Variants in KIAA1328 observed in about 807,000 individuals in gnomAD.
KIAA1328 encodes the protein KIAA1328.
Under a neutral mutation model 68.1 loss-of-function variants are expected in KIAA1328, and 52 were observed. That is an observed-to-expected ratio of 0.76 (90% CI 0.61 to 0.96). KIAA1328 has a LOEUF of 0.96. Among genes scored for constraint, KIAA1328 ranks in the 40% least tolerant of loss-of-function variants. The pLI, the probability that KIAA1328 is intolerant of heterozygous loss-of-function variation, is 0.00. For synonymous variants in KIAA1328, 232 were observed against 239.4 expected (o/e 0.97, Z 0.28); for missense variants, 641 against 677.6 (o/e 0.95, Z 0.60).
chr18:36,833,430 G>C (rs2046566140), intron 1 of KIAA1328: 1 of 152,212 alleles, frequency 6.6e-6, no homozygotes, highest in Non-Finnish European at 1.5e-5. Flanking sequence ...AAGAAAGCCA[G>C]GAATGAGTGA....
chr18:37,113,397 C>G (rs2057999477), intron 7 of KIAA1328, among the ~76,000 whole-genome samples: 1 of 152,132 alleles, frequency 6.6e-6, no homozygotes, highest in African/African-American at 2.4e-5. Flanking sequence ...AATTTCATAT[C>G]CAGCCAAACT....
chr18:37,029,974 T>C (rs2054756263), intron 6 of KIAA1328, among the ~76,000 whole-genome samples: 1 of 152,218 alleles, frequency 6.6e-6, no homozygotes, highest in Non-Finnish European at 1.5e-5. Flanking sequence ...CATTTCATTT[T>C]GGATGTTATA....
At chr18:37,028,981 T>C (rs1256136880) in intron 6 of KIAA1328, among the ~76,000 whole-genome samples, 1 of 151,924 alleles carries the variant, frequency 6.6e-6, no homozygotes, top group Admixed American at 6.6e-5. Context: ...CTGAAGTGTT[T>C]TGTTGTTGTG....
chr18:37,051,410 A>G (rs1952158127), intron 6 of KIAA1328, among the ~76,000 whole-genome samples: 1 of 152,162 alleles, frequency 6.6e-6, no homozygotes, highest in South Asian at 2.1e-4. Context: ...ATCCTCAGAG[A>G]CTACTATGAA....
At position 36,875,650 on chromosome 18, in the gene KIAA1328, A is replaced by G. The variant is rs117649619; in HGVS notation, c.333-9907A>G. Among the ~76,000 whole-genome samples, 550 of 152,270 alleles carry G rather than the reference A, an allele frequency of 3.6e-3. 16 individuals are homozygous for G. In the East Asian group the frequency reaches 0.083, roughly 23 times the overall value. On this transcript the variant is annotated intron_variant, in intron 4 of 9. Coordinates refer to ENST00000280020, the MANE Select transcript of KIAA1328 (RefSeq NM_020776.3). ...TGACTTCCTCTTCTTCTCTTCGAAT[A>G]CCATTTATTTCTTTCTCTTGCCTGA... is the stretch of plus-strand genomic sequence containing the variant.
At chr18:37,048,421 A>C (rs1339352208) in intron 6 of KIAA1328, among the ~76,000 whole-genome samples, 2 of 152,000 alleles carry the variant, frequency 1.3e-5, no homozygotes. Context: ...TTTTTTAACA[A>C]CTCAACAAAG....
intron 6 of KIAA1328, among the ~76,000 whole-genome samples, chr18:37,030,633 T>C (rs965323146): frequency 2.0e-5 from 3 of 152,326 alleles, no homozygotes; most frequent in East Asian, 1.9e-4. Context: ...TCAGCAATTA[T>C]TGGATATAGT....
rs559330237 is a variant in KIAA1328 at position 37,222,501 on chromosome 18, G to A, written c.*274G>A. On this transcript the variant is annotated 3_prime_UTR_variant, in exon 10 of 10. Coordinates refer to ENST00000280020, the MANE Select transcript of KIAA1328 (RefSeq NM_020776.3). ...AAAATTAACATAGGATACTTTCTGC[G>A]TGGTGGAAACCATTGCATATTCAGC... 523 of 1,240,882 alleles carry A rather than the reference G, an allele frequency of 4.2e-4. 3 individuals are homozygous for A. In the South Asian group the frequency reaches 7.6e-3, roughly 18 times the overall value. The allele number at this position is 1,240,882 out of a possible 1,614,324, so 76.9% of individuals were successfully genotyped here. A position where few individuals can be genotyped will look rare whatever the true frequency, so the allele number is the denominator to read the frequency against.
chr18:36,935,589 T>C (rs1359914918), intron 5 of KIAA1328, among the ~76,000 whole-genome samples: 1 of 152,204 alleles, frequency 6.6e-6, no homozygotes, highest in Non-Finnish European at 1.5e-5. Flanking sequence ...CTCTTTTTGA[T>C]GTTATTGTTG....
At position 37,131,088 on chromosome 18, in the gene KIAA1328, A is replaced by G. The variant is rs180932204; in HGVS notation, c.1233-29112A>G. 1.6e-4 allele frequency among the ~76,000 whole-genome samples: 24 copies of G among 152,346 alleles called. No homozygotes were observed. In the East Asian group the frequency reaches 4.6e-3, roughly 29 times the overall value. On this transcript the variant is annotated intron_variant, in intron 7 of 9. Transcript: ENST00000280020. Reference sequence around the variant, plus strand: ...AGGGCCTGGGAATGTGTATTTTCAGAAAGCTCCCTGGGTGATTCCGATAAT... The same window carrying G: ...AGGGCCTGGGAATGTGTATTTTCAGGAAGCTCCCTGGGTGATTCCGATAAT...
chr18:36,854,748 C>T (rs2047327933), intron 4 of KIAA1328, among the ~76,000 whole-genome samples: 1 of 152,120 alleles, frequency 6.6e-6, no homozygotes, highest in Non-Finnish European at 1.5e-5. Flanking sequence ...TGTGCAACCA[C>T]AATCTTTATC....
intron 8 of KIAA1328, among the ~76,000 whole-genome samples, chr18:37,172,681 A>G (rs1270685950): frequency 6.6e-6 from 1 of 152,218 alleles, no homozygotes; most frequent in East Asian, 1.9e-4. Context: ...CTCCTTGGGC[A>G]TTTTCACAGT....
At chr18:37,141,684 A>G (rs969474711) in intron 7 of KIAA1328, among the ~76,000 whole-genome samples, 2 of 152,166 alleles carry the variant, frequency 1.3e-5, no homozygotes, top group African/African-American at 4.8e-5. Flanking sequence ...CTGTTTTCCA[A>G]AGCTATATAA....
chr18:37,212,563 G>T (rs1443378751), intron 9 of KIAA1328, among the ~76,000 whole-genome samples: 1 of 151,968 alleles, frequency 6.6e-6, no homozygotes, highest in Non-Finnish European at 1.5e-5. Context: ...AGCATGAAGG[G>T]TAATAGTAAT....
At chr18:37,167,498 G>A (rs2059414022) in intron 8 of KIAA1328, among the ~76,000 whole-genome samples, 1 of 152,082 alleles carries the variant, frequency 6.6e-6, no homozygotes, top group Non-Finnish European at 1.5e-5. Flanking sequence ...CTGGAGTTGG[G>A]CTGCTTAGTG....
intron 5 of KIAA1328, among the ~76,000 whole-genome samples, chr18:36,951,578 C>T (rs539394343): frequency 1.3e-5 from 2 of 152,268 alleles, no homozygotes; most frequent in South Asian, 4.2e-4. Context: ...TATTTCTACT[C>T]AGACTTCTTT....
At position 37,087,357 on chromosome 18, in the gene KIAA1328, G is replaced by C. The variant is rs2057136026; in HGVS notation, c.1232+19812G>C. On this transcript the variant is annotated intron_variant, in intron 7 of 9. Transcript: ENST00000280020. The stretch of plus-strand genomic sequence containing the variant: ...TTATAGGCATGAGCTACTGCACCCA[G>C]TGTTAGAATTCTTAATTTCTGAAAA... Among the ~76,000 whole-genome samples the C allele has an allele frequency of 2.0e-5, 3 of 152,182 alleles. No homozygotes were observed. In the South Asian group the frequency reaches 6.2e-4, roughly 31 times the overall value.
At chr18:37,121,053 A>G (rs2058254996) in intron 7 of KIAA1328, among the ~76,000 whole-genome samples, 1 of 152,138 alleles carries the variant, frequency 6.6e-6, no homozygotes, top group Non-Finnish European at 1.5e-5. Flanking sequence ...TTCTTGAAAA[A>G]TTATAATGAA....
intron 7 of KIAA1328, among the ~76,000 whole-genome samples, chr18:37,110,984 T>G (rs912136142): frequency 4.6e-5 from 7 of 152,224 alleles, no homozygotes; most frequent in African/African-American, 1.7e-4. Context: ...CATTGTGTCC[T>G]TTGGTACTTG....
Sources: allele counts gnomAD v4.1 joint callset (sites outside exome capture counted in the v4.1 genomes callset), GRCh38; gene constraint gnomAD v4.1.1; transcripts MANE v1.5; gene names NCBI Gene and HGNC (gene_info 2026-07-23, HGNC 2026-07-21).